CERS3: variants seen among roughly 807,000 people sequenced by gnomAD.
CERS3 encodes the protein LAG1 homolog, ceramide synthase 3.
A neutral mutation model predicts 50.3 loss-of-function variants in CERS3; 33 were observed. That is an observed-to-expected ratio of 0.66 (90% CI 0.50 to 0.88). The LOEUF (loss-of-function observed/expected upper bound fraction) is 0.88. Among genes scored for constraint, CERS3 ranks in the 40% least tolerant of loss-of-function variants. The pLI, the probability that CERS3 is intolerant of heterozygous loss-of-function variation, is 0.00. For synonymous variants in CERS3, 176 were observed against 155.2 expected (o/e 1.13, Z -0.99); for missense variants, 470 against 460.3 (o/e 1.02, Z -0.19).
At chr15:100,475,539 C>G (rs1260461675) in intron 8 of CERS3, among the ~76,000 whole-genome samples, 1 of 152,122 alleles carries the variant, frequency 6.6e-6, no homozygotes, top group Admixed American at 6.5e-5. Context: ...CAGTAACAAC[C>G]AAACCATTCC....
At chr15:100,452,655 T>A (rs2034214049) in intron 11 of CERS3, among the ~76,000 whole-genome samples, 2 of 151,286 alleles carry the variant, frequency 1.3e-5, no homozygotes, top group Non-Finnish European at 2.9e-5. Context: ...ATAACAAAGA[T>A]CAGAGCAAAT....
At chr15:100,403,872 C>G (rs2030761307) in intron 11 of CERS3, among the ~76,000 whole-genome samples, 1 of 141,524 alleles carries the variant, frequency 7.1e-6, no homozygotes, top group South Asian at 2.4e-4. Flanking sequence ...GAGGAGGGAA[C>G]AGGTCTCATT....
chr15:100,414,412 G>A (rs2031732160), intron 11 of CERS3, among the ~76,000 whole-genome samples: 1 of 152,038 alleles, frequency 6.6e-6, no homozygotes, highest in Non-Finnish European at 1.5e-5. Flanking sequence ...ATTCTTCACA[G>A]AATTAGAAAA....
Position 100,476,190 on chromosome 15 carries a change from A to AAG in CERS3, c.517-14_517-13dup, listed in dbSNP as rs754564514. On this transcript the variant is annotated splice_polypyrimidine_tract_variant and intron_variant, in intron 7 of 11. Transcript: ENST00000679737. ...GATGGCAGCAGGGGCTGAGGAAAAGAAGAGTATTCATTACTTTAAATGCCA... is the reference window on the plus strand; with the variant it reads ...GATGGCAGCAGGGGCTGAGGAAAAGAAGAGAGTATTCATTACTTTAAATGCCA... 1.3e-6 allele frequency: 2 copies of AAG among 1,534,266 alleles called. No individual in the cohort carries two copies. Among genetic ancestry groups the AAG allele is most frequent in the East Asian group, 4.9e-5 (2 of 40,626 alleles).
At chr15:100,443,024 AT>A (rs1291255935) in intron 11 of CERS3, among the ~76,000 whole-genome samples, 74 of 152,080 alleles carry the variant, frequency 4.9e-4, no homozygotes, top group African/African-American at 1.8e-3. Context: ...CTTTTTAGTT[AT>A]CCCCACCTGC....
chr15:100,517,604 C>T (rs1003815671), intron 2 of CERS3, among the ~76,000 whole-genome samples: 1 of 152,156 alleles, frequency 6.6e-6, no homozygotes, highest in African/African-American at 2.4e-5. Context: ...AGCTGGGTCA[C>T]TTTTAGGAAA....
chr15:100,437,033 T>C (rs1220315425), intron 11 of CERS3, among the ~76,000 whole-genome samples: 2 of 150,038 alleles, frequency 1.3e-5, no homozygotes, highest in African/African-American at 2.5e-5. Context: ...AAGCTCCGCC[T>C]CCTGGGTTCA....
chr15:100,532,842 T>A (rs1231827008), upstream of CERS3, among the ~76,000 whole-genome samples: 1 of 152,196 alleles, frequency 6.6e-6, no homozygotes, highest in African/African-American at 2.4e-5. Context: ...CCCACTACAC[T>A]GGGAATTCTC....
At chr15:100,534,569 T>C (rs1313001573) in intron 1 of CERS3, among the ~76,000 whole-genome samples, 1 of 151,310 alleles carries the variant, frequency 6.6e-6, no homozygotes, top group Non-Finnish European at 1.5e-5. Flanking sequence ...AGGGCAAACC[T>C]GCCTCCCATT....
At chr15:100,494,118 C>A (rs1324808336) in intron 3 of CERS3, among the ~76,000 whole-genome samples, 2 of 149,540 alleles carry the variant, frequency 1.3e-5, no homozygotes, top group Non-Finnish European at 3.0e-5. Flanking sequence ...AAGGTGGCAA[C>A]TATAAAAATC....
At position 100,469,394 on chromosome 15, in the gene CERS3, T is replaced by C; in HGVS notation, c.829A>G (p.Ile277Val). 2 of 1,613,652 alleles carry C rather than the reference T, an allele frequency of 1.2e-6. No homozygotes were observed. The highest frequency in any genetic ancestry group is 1.1e-5 in the South Asian group (1 of 91,074). ...FSTIFFISRL[I>V]VFPFWILYCT... is the part of the protein sequence containing the mutation. ...TCTACTCACCAGAAAGGAAAAACAA[T>C]GAGGCGGCTGATGAAAAATATGGTG... Residue 277 changes from isoleucine to valine, a missense_variant, in exon 10 of 12, where the codon ATT (isoleucine) becomes GTT (valine). Physicochemically the swap from Ile to Val is conservative, Grantham distance 29 (BLOSUM62 3). Transcript: ENST00000679737.
At chr15:100,488,203 G>T (rs1208533704) in intron 4 of CERS3, among the ~76,000 whole-genome samples, 3 of 152,146 alleles carry the variant, frequency 2.0e-5, no homozygotes, top group Non-Finnish European at 4.4e-5. Flanking sequence ...ACCATGTTAT[G>T]CCCTTCTGTG....
chr15:100,414,662 A>C (rs1421121836), intron 11 of CERS3, among the ~76,000 whole-genome samples: 1 of 152,166 alleles, frequency 6.6e-6, no homozygotes, highest in Admixed American at 6.5e-5. Flanking sequence ...AAACCAGACA[A>C]AAACAAGCAG....
intron 10 of CERS3, among the ~76,000 whole-genome samples, chr15:100,457,934 T>G (rs2034429166): frequency 6.6e-6 from 1 of 152,234 alleles, no homozygotes; most frequent in Admixed American, 6.5e-5. Flanking sequence ...TTAGACAACT[T>G]GATGTATATA....
intron 1 of CERS3, chr15:100,544,079 C>T (rs1254399042): frequency 2.0e-5 from 3 of 152,370 alleles, no homozygotes; most frequent in Non-Finnish European, 4.4e-5. Context: ...CACTGAATCC[C>T]CCACCTCGGC....
At chr15:100,493,675 T>G (rs1258040484) in intron 3 of CERS3, among the ~76,000 whole-genome samples, 1 of 152,212 alleles carries the variant, frequency 6.6e-6, no homozygotes, top group Non-Finnish European at 1.5e-5. Flanking sequence ...TATGTTGGTA[T>G]TCAAGTCTCT....
chr15:100,443,111 C>T (rs2033763117), intron 11 of CERS3, among the ~76,000 whole-genome samples: 1 of 151,850 alleles, frequency 6.6e-6, no homozygotes, highest in African/African-American at 2.4e-5. Flanking sequence ...ACAGCCACAC[C>T]TCATTACTGC....
At chr15:100,512,796 C>T (rs1262260303) in intron 2 of CERS3, among the ~76,000 whole-genome samples, 3 of 152,028 alleles carry the variant, frequency 2.0e-5, no homozygotes, top group Non-Finnish European at 4.4e-5. Flanking sequence ...CTCGGAAGTC[C>T]AAATGAGAAG....
intron 3 of CERS3, among the ~76,000 whole-genome samples, chr15:100,495,961 C>T (rs982880141): frequency 1.3e-5 from 2 of 152,152 alleles, no homozygotes; most frequent in African/African-American, 2.4e-5. Context: ...GGCAACCACT[C>T]ATCTATTTTC....
Sources: gnomAD v4.1 joint callset for allele counts (sites outside exome capture counted in the v4.1 genomes callset) on GRCh38, gnomAD v4.1.1 for gene constraint, MANE v1.5 for transcripts, NCBI Gene and HGNC (gene_info 2026-07-23, HGNC 2026-07-21) for gene names.